ARID2: variants seen among roughly 807,000 people sequenced by gnomAD.
The protein encoded by ARID2 is AT-rich interaction domain 2.
A neutral mutation model predicts 184.6 loss-of-function variants in ARID2; 32 were observed. That is an observed-to-expected ratio of 0.17 (90% CI 0.13 to 0.23). The LOEUF is 0.23. Among genes scored for constraint, ARID2 ranks in the 10% least tolerant of loss-of-function variants. ARID2 has a pLI of 1.00. For missense variants in ARID2, 1,696 were observed against 2,197.6 expected (o/e 0.77, Z 4.56); for synonymous variants, 836 against 772.6 (o/e 1.08, Z -1.36).
chr12:45,810,229 G>A (rs1942680357), intron 3 of ARID2, among the ~76,000 whole-genome samples: 1 of 152,164 alleles, frequency 6.6e-6, no homozygotes, highest in Non-Finnish European at 1.5e-5. Flanking sequence ...TTGTTTCCCT[G>A]TTTTAAAATC....
chr12:45,791,488 G>A (rs1239596351), intron 3 of ARID2, among the ~76,000 whole-genome samples: 1 of 152,074 alleles, frequency 6.6e-6, no homozygotes, highest in African/African-American at 2.4e-5. Context: ...TGTTACAACT[G>A]TCTATTAATA....
intron 3 of ARID2, among the ~76,000 whole-genome samples, chr12:45,782,182 T>C (rs1942105307): frequency 6.6e-6 from 1 of 152,112 alleles, no homozygotes; most frequent in Non-Finnish European, 1.5e-5. Context: ...TACAAAATTT[T>C]ATAAAAATAG....
chr12:45,882,772 G>GA (rs1337968004), intron 16 of ARID2, among the ~76,000 whole-genome samples: 2 of 152,198 alleles, frequency 1.3e-5, no homozygotes, highest in African/African-American at 4.8e-5. Context: ...AGCATCATTT[G>GA]TCTCAATTTT....
intron 3 of ARID2, among the ~76,000 whole-genome samples, chr12:45,761,520 A>G (rs772282810): frequency 1.7e-4 from 26 of 152,122 alleles, no homozygotes; most frequent in Non-Finnish European, 2.5e-4. Flanking sequence ...TTCTACCTCA[A>G]TATTTTGAGG....
chr12:45,886,534 G>A (rs1383385820), intron 16 of ARID2, among the ~76,000 whole-genome samples: 2 of 152,236 alleles, frequency 1.3e-5, no homozygotes, highest in Non-Finnish European at 2.9e-5. Context: ...TGGGGACTCT[G>A]TGTGGGGCTC....
intron 4 of ARID2, among the ~76,000 whole-genome samples, chr12:45,817,463 T>C (rs1237281488): frequency 1.3e-5 from 2 of 148,582 alleles, no homozygotes; most frequent in Admixed American, 6.7e-5. Context: ...TTTTCAAGAA[T>C]GTAATTTTAA....
chr12:45,894,491 G>A (rs545678908), intron 20 of ARID2, among the ~76,000 whole-genome samples: 2 of 151,844 alleles, frequency 1.3e-5, no homozygotes, highest in African/African-American at 4.8e-5. Flanking sequence ...CTTGTCTTAC[G>A]TCTTTTATGA....
intron 2 of ARID2, 105 bp from the exon 3 acceptor site, chr12:45,731,112 C>T (rs982523787): frequency 1.2e-6 from 1 of 802,030 alleles, no homozygotes; most frequent in Non-Finnish European, 2.1e-6. Context: ...CCCACTGATG[C>T]CTTAGGTATC....
chr12:45,769,764 T>A (rs1467524849), intron 3 of ARID2, among the ~76,000 whole-genome samples: 3 of 152,120 alleles, frequency 2.0e-5, no homozygotes, highest in Non-Finnish European at 4.4e-5. Context: ...AGGTTAAGGA[T>A]AAGGAGGAAA....
intron 3 of ARID2, among the ~76,000 whole-genome samples, chr12:45,745,043 T>C (rs939739029): frequency 1.3e-5 from 2 of 152,210 alleles, no homozygotes; most frequent in Admixed American, 6.5e-5. Context: ...GCAAACTGTT[T>C]GGTGATTTAT....
chr12:45,818,045 T>G (rs1942838336), intron 5 of ARID2, among the ~76,000 whole-genome samples, 157 bp downstream of exon 5: 1 of 152,056 alleles, frequency 6.6e-6, no homozygotes, highest in Non-Finnish European at 1.5e-5. Flanking sequence ...GTTTGGGGGG[T>G]TTTAACCTTA....
In ARID2 at chr12:45,855,670, A is replaced by G. The variant is rs574357664; in HGVS notation, c.4773+2774A>G. Among the ~76,000 whole-genome samples the G allele has an allele frequency of 2.0e-5, 3 of 152,316 alleles. No homozygotes were observed. The South Asian group carries it at 6.2e-4, about 32-fold the overall frequency. ...TGTTGGGCCTTCTGAAAAGCATGCT[A>G]ATTAACAGAAAGCCATAACCATTAT... On this transcript the variant is annotated intron_variant, in intron 15 of 20. Coordinates refer to ENST00000334344, the MANE Select transcript of ARID2 (RefSeq NM_152641.4).
chr12:45,793,906 T>G (rs1472188973), intron 3 of ARID2, among the ~76,000 whole-genome samples: 1 of 152,178 alleles, frequency 6.6e-6, no homozygotes, highest in Non-Finnish European at 1.5e-5. Flanking sequence ...TGTCTTCTTT[T>G]TCCTCTGACT....
Position 45,851,255 on chromosome 12 carries a change from G to C in ARID2, c.3132G>C (p.Gln1044His). 1 of 1,614,172 alleles carries C rather than the reference G, an allele frequency of 6.2e-7. No homozygotes were observed. The highest frequency in any genetic ancestry group is 2.2e-5 in the East Asian group (1 of 44,882). ...QQVQMQVQPQ[Q>H]SNAGVGQPAS... ...TACAGATGCAAGTTCAACCTCAACA[G>C]TCGAATGCAGGAGTTGGTCAGCCTG... Residue 1044 changes from glutamine to histidine, a missense_variant, in exon 15 of 21, where the codon CAG becomes CAC. By Grantham distance (24) the Gln-to-His change is conservative. This residue lies in a region of ARID2 where 713 missense variants were observed against 824.4 expected (regional missense o/e 0.86). Transcript: ENST00000334344.
rs1282415115 is a variant in ARID2 at position 45,851,427 on chromosome 12, G to A, written c.3304G>A (p.Ala1102Thr). The change falls in exon 15 of 21, where the codon GCC becomes ACC. Residue 1102 changes from alanine (A) to threonine (T), a missense_variant. Physicochemically the swap from Ala to Thr is moderately conservative, Grantham distance 58 (BLOSUM62 0). Coordinates refer to ENST00000334344, the MANE Select transcript of ARID2 (RefSeq NM_152641.4). ...APSPQVVYQV[A>T]SNQAAGFGVQ... ...TAGCCCTCAGGTGGTCTATCAGGTGGCCAGTAACCAAGCCGCAGGTTTTGG... is the reference window on the plus strand; with the variant it reads ...TAGCCCTCAGGTGGTCTATCAGGTGACCAGTAACCAAGCCGCAGGTTTTGG... 3 of 1,614,104 alleles carry A rather than the reference G, an allele frequency of 1.9e-6. No homozygotes were observed. In the Admixed American group the frequency reaches 5.0e-5, roughly 27 times the overall value.
intron 3 of ARID2, among the ~76,000 whole-genome samples, chr12:45,792,615 AG>A (rs1942312866): frequency 6.6e-6 from 1 of 151,420 alleles, no homozygotes; most frequent in Non-Finnish European, 1.5e-5. Flanking sequence ...TAAGAGAGAT[AG>A]GTTTTAAAAA....
chr12:45,785,918 A>C (rs1942188842), intron 3 of ARID2, among the ~76,000 whole-genome samples: 1 of 152,208 alleles, frequency 6.6e-6, no homozygotes, highest in Non-Finnish European at 1.5e-5. Flanking sequence ...CCTCTGGGCC[A>C]TGGACCAGTA....
intron 3 of ARID2, among the ~76,000 whole-genome samples, chr12:45,746,071 G>T (rs1165500253): frequency 3.3e-5 from 5 of 150,500 alleles, no homozygotes; most frequent in Non-Finnish European, 1.5e-5. Flanking sequence ...TCTACTGGAA[G>T]TATGAAGTAA....
chr12:45,745,116 C>A (rs1047369579), intron 3 of ARID2, among the ~76,000 whole-genome samples: 5 of 152,106 alleles, frequency 3.3e-5, no homozygotes, highest in Non-Finnish European at 7.3e-5. Context: ...ATTTAAAGGG[C>A]TAAGTTGAAG....
Sources: gnomAD v4.1 joint callset for allele counts (sites outside exome capture counted in the v4.1 genomes callset) on GRCh38, gnomAD v4.1.1 for gene constraint, gnomAD v4.1.1 regional missense constraint, MANE v1.5 for transcripts, NCBI Gene and HGNC (gene_info 2026-07-23, HGNC 2026-07-21) for gene names.